Variants in GATA4 observed in about 807,000 individuals in gnomAD.
GATA4 encodes the protein GATA binding protein 4.
GATA4 carries 7 observed loss-of-function variants against 37.9 expected under a neutral mutation model. The observed-to-expected ratio is 0.18, with a 90% CI of 0.11 to 0.35. GATA4 has a LOEUF of 0.35. GATA4 is among the 10% of genes least tolerant of loss of function. GATA4 has a pLI of 1.00. For synonymous variants in GATA4, 372 were observed against 292.6 expected (o/e 1.27, Z -2.77); for missense variants, 647 against 653.0 (o/e 0.99, Z 0.10).
intron 1 of GATA4, among the ~76,000 whole-genome samples, chr8:11,683,905 C>T (rs892867193): frequency 2.0e-5 from 3 of 152,236 alleles, no homozygotes; most frequent in African/African-American, 7.2e-5. Context: ...GAAACTGGCT[C>T]TGTGAACGGG....
intron 2 of GATA4, among the ~76,000 whole-genome samples, chr8:11,720,291 C>T (rs1291865803): frequency 3.9e-5 from 6 of 151,954 alleles, no homozygotes; most frequent in African/African-American, 1.5e-4. Context: ...TTTGTCTTTC[C>T]CGGTACCACA....
chr8:11,723,278 C>G (rs1273594698), intron 2 of GATA4, among the ~76,000 whole-genome samples: 2 of 151,866 alleles, frequency 1.3e-5, no homozygotes, highest in Admixed American at 1.3e-4. Flanking sequence ...GATTGCTTGA[C>G]CTGGGAGTTC....
At chr8:11,693,562 C>CAGAGAGAGAGAG (rs139631153) in intron 1 of GATA4, among the ~76,000 whole-genome samples, 20 of 72,226 alleles carry the variant, frequency 2.8e-4, no homozygotes, top group South Asian at 7.2e-4. Flanking sequence ...CACACACACA[C>CAGAGAGAGAGAG]AGAGAGAGAG....
At chr8:11,715,420 A>G (rs945339970) in intron 2 of GATA4, among the ~76,000 whole-genome samples, 3 of 152,174 alleles carry the variant, frequency 2.0e-5, no homozygotes, top group African/African-American at 7.2e-5. Flanking sequence ...TACATTTAAC[A>G]TACAGGGAAG....
In GATA4 at chr8:11,758,411, C is replaced by A. The variant is rs1343825404; in HGVS notation, c.1268C>A (p.Ser423Tyr). Reference protein sequence around the residue: ...SPVSQSPQTSSKQDSWNSLVL... With the variant: ...SPVSQSPQTSYKQDSWNSLVL... Reference sequence around the variant, plus strand: ...GTCAGCCAGTCTCCACAGACCAGCTCCAAGCAGGACTCTTGGAACAGCCTG... The same window carrying A: ...GTCAGCCAGTCTCCACAGACCAGCTACAAGCAGGACTCTTGGAACAGCCTG... Residue 423 changes from serine (S) to tyrosine (Y), a missense_variant, in exon 7 of 7, where the codon TCC (serine) becomes TAC (tyrosine). Physicochemically the swap from Ser to Tyr is moderately radical, Grantham distance 144. Around this residue, in one of 5 missense-constraint regions of GATA4, gnomAD observed 184 missense variants for 157.1 expected, o/e 1.17. Coordinates refer to ENST00000532059, the MANE Select transcript of GATA4 (RefSeq NM_001308093.3). The A allele has an allele frequency of 6.2e-7, 1 of 1,614,118 alleles. No individual in the cohort carries two copies. Among genetic ancestry groups the A allele is most frequent in the Non-Finnish European group, 8.5e-7 (1 of 1,180,046 alleles).
upstream of GATA4, chr8:11,691,955 T>C (rs1411297468): frequency 1.1e-6 from 1 of 935,848 alleles, no homozygotes; most frequent in Non-Finnish European, 1.3e-6. Context: ...CCATAAATGC[T>C]CCATGTTGCT....
chr8:11,711,035 CGG>C (rs1316042442), intron 2 of GATA4, among the ~76,000 whole-genome samples: 1 of 152,118 alleles, frequency 6.6e-6, no homozygotes, highest in Non-Finnish European at 1.5e-5. Context: ...CGGTTGAACC[CGG>C]GAGGCGGAGG....
At chr8:11,724,708 A>G (rs1191587489) in intron 2 of GATA4, among the ~76,000 whole-genome samples, 1 of 149,144 alleles carries the variant, frequency 6.7e-6, no homozygotes, top group Non-Finnish European at 1.5e-5. Flanking sequence ...TTAGGGACAC[A>G]TGCACAAAGA....
At chr8:11,696,697 C>T (rs917032145) in intron 1 of GATA4, among the ~76,000 whole-genome samples, 4 of 152,164 alleles carry the variant, frequency 2.6e-5, no homozygotes, top group East Asian at 1.9e-4. Context: ...GGGGTGAGGA[C>T]GTCACAATCC....
intron 1 of GATA4, among the ~76,000 whole-genome samples, chr8:11,696,243 C>G (rs1799504630): frequency 6.6e-6 from 1 of 152,124 alleles, no homozygotes; most frequent in Non-Finnish European, 1.5e-5. Flanking sequence ...GTCCCAGCGC[C>G]CCTCCAAATT....
intron 2 of GATA4, among the ~76,000 whole-genome samples, chr8:11,730,415 G>T (rs1220172067): frequency 6.6e-6 from 1 of 152,230 alleles, no homozygotes; most frequent in Non-Finnish European, 1.5e-5. Context: ...CAGTGAAGGT[G>T]AACAGTCACT....
At chr8:11,691,550 G>T (rs1258392823), upstream of GATA4, among the ~76,000 whole-genome samples, 1 of 152,222 alleles carries the variant, frequency 6.6e-6, no homozygotes, top group African/African-American at 2.4e-5. Flanking sequence ...AAAATGTTGG[G>T]ATAGGAAGGA....
upstream of GATA4, among the ~76,000 whole-genome samples, chr8:11,701,739 A>T (rs1799683920): frequency 6.6e-6 from 1 of 152,104 alleles, no homozygotes; most frequent in Non-Finnish European, 1.5e-5. Flanking sequence ...CAAGAAACAT[A>T]ATTTTCTCTG....
intron 1 of GATA4, among the ~76,000 whole-genome samples, chr8:11,678,541 T>C (rs1798853760): frequency 6.6e-6 from 1 of 152,180 alleles, no homozygotes; most frequent in African/African-American, 2.4e-5. Context: ...GAAAGGGTTT[T>C]AGTGGGAAAA....
chr8:11,758,228 G>A (rs1317735487), intron 6 of GATA4, 65 bp from the exon 7 acceptor site: 3 of 1,565,698 alleles, frequency 1.9e-6, no homozygotes, highest in Non-Finnish European at 2.6e-6. Flanking sequence ...ACCCTCCCCA[G>A]CCTAGACCTC....
chr8:11,693,552 C>CAGAGAGAGAGAGAGAG (rs1248723269), intron 1 of GATA4, among the ~76,000 whole-genome samples: 2 of 118,304 alleles, frequency 1.7e-5, no homozygotes, highest in South Asian at 3.6e-4. Context: ...CACACACACA[C>CAGAGAGAGAGAGAGAG]ACACACACAC....
intron 2 of GATA4, among the ~76,000 whole-genome samples, chr8:11,728,655 C>A (rs779835734): frequency 3.3e-5 from 5 of 152,160 alleles, no homozygotes; most frequent in African/African-American, 9.6e-5. Context: ...CTCAAGCAAT[C>A]CTCCTTCCTC....
intron 2 of GATA4, among the ~76,000 whole-genome samples, chr8:11,736,773 G>C (rs965080227): frequency 2.0e-5 from 3 of 152,198 alleles, no homozygotes; most frequent in Non-Finnish European, 4.4e-5. Flanking sequence ...GCAGAGTAAG[G>C]TATAGCGTTA....
Position 11,708,090 on chromosome 8 carries a change from T to G in GATA4, c.-223T>G. The G allele has an allele frequency of 8.0e-6, 5 of 626,500 alleles. No homozygotes were observed. The highest frequency in any genetic ancestry group is 4.3e-4 in the Middle Eastern group (1 of 2,332). 38.8% of individuals were successfully genotyped at this position (626,500 alleles called of 1,614,324 possible). A position where few individuals can be genotyped will look rare whatever the true frequency, so the allele number is the denominator to read the frequency against. Reference sequence around the variant, plus strand: ...CTTCCGGAACCACCAAAAATTCAAATTGGGATTTTCCGGAGTAAACAAGAG... The same window carrying G: ...CTTCCGGAACCACCAAAAATTCAAAGTGGGATTTTCCGGAGTAAACAAGAG... On this transcript the variant is annotated 5_prime_UTR_variant, in exon 2 of 7. Coordinates refer to ENST00000532059, the MANE Select transcript of GATA4 (RefSeq NM_001308093.3). This position sits in a 1 kb window ranked among gnomAD's most constrained non-coding sequence, Gnocchi z 6.7.
Sources: gnomAD v4.1 joint callset for allele counts (sites outside exome capture counted in the v4.1 genomes callset) on GRCh38, gnomAD v4.1.1 for gene constraint, gnomAD v4.1.1 regional missense constraint, Gnocchi (gnomAD v3.1) non-coding constraint, MANE v1.5 for transcripts, NCBI Gene and HGNC (gene_info 2026-07-23, HGNC 2026-07-21) for gene names.